Variants in CASS4 observed in about 807,000 individuals in gnomAD.
CASS4 encodes the protein Cas scaffold protein family member 4.
A neutral mutation model predicts 54.2 loss-of-function variants in CASS4; 22 were observed. That is an observed-to-expected ratio of 0.41 (90% CI 0.29 to 0.58). The LOEUF (loss-of-function observed/expected upper bound fraction) is 0.58. CASS4 is among the 20% of genes least tolerant of loss of function. CASS4 has a pLI of 0.36. For synonymous variants in CASS4, 409 were observed against 391.5 expected (o/e 1.04, Z -0.53); for missense variants, 854 against 986.7 (o/e 0.87, Z 1.80).
At chr20:56,415,953 A>G (rs1003339380) in intron 1 of CASS4, among the ~76,000 whole-genome samples, 1 of 152,242 alleles carries the variant, frequency 6.6e-6, no homozygotes, top group Non-Finnish European at 1.5e-5. Flanking sequence ...GTGATAGGAA[A>G]CACTGGCCTC....
intron 1 of CASS4, among the ~76,000 whole-genome samples, chr20:56,435,785 C>T (rs1425679408): frequency 2.0e-5 from 3 of 152,184 alleles, no homozygotes; most frequent in Non-Finnish European, 2.9e-5. Flanking sequence ...GAGTCTCCCT[C>T]TGTTGCCCAG....
At chr20:56,432,661 C>T (rs1315895211) in intron 1 of CASS4, among the ~76,000 whole-genome samples, 3 of 152,162 alleles carry the variant, frequency 2.0e-5, no homozygotes, top group Non-Finnish European at 4.4e-5. Context: ...CACCATCACA[C>T]CCAGCCTAAG....
intron 2 of CASS4, among the ~76,000 whole-genome samples, chr20:56,441,666 A>G (rs1238801194): frequency 6.6e-6 from 1 of 152,064 alleles, no homozygotes; most frequent in Non-Finnish European, 1.5e-5. Context: ...TCTTAGCAAG[A>G]GATGTGGTCT....
At chr20:56,450,313 C>A (rs899221762) in intron 3 of CASS4, among the ~76,000 whole-genome samples, 4 of 152,202 alleles carry the variant, frequency 2.6e-5, no homozygotes, top group Non-Finnish European at 5.9e-5. Flanking sequence ...CGTGAGCCAC[C>A]ACGCCCGGCT....
In CASS4 at chr20:56,450,792, G is replaced by C. The variant is rs1031193027; in HGVS notation, c.642+113G>C. ...CTGAAGCCTGTAATCCCAGCACTTT[G>C]AGAGGCCGAGGTGAGTGCATCACCT... On this transcript the variant is annotated intron_variant, in intron 4 of 5. Transcript: ENST00000679887. 6 of 948,480 alleles carry C rather than the reference G, an allele frequency of 6.3e-6. No individual in the cohort carries two copies. The African/African-American group carries it at 8.2e-5, about 13-fold the overall frequency. 58.8% of individuals were successfully genotyped at this position (948,480 alleles called of 1,614,324 possible). A position where few individuals can be genotyped will look rare whatever the true frequency, so the allele number is the denominator to read the frequency against.
In CASS4 at chr20:56,451,837, A is replaced by C; in HGVS notation, c.661A>C (p.Ile221Leu). The C allele has an allele frequency of 6.2e-7, 1 of 1,612,378 alleles. No individual in the cohort carries two copies. Among genetic ancestry groups the C allele is most frequent in the Non-Finnish European group, 8.5e-7 (1 of 1,178,586 alleles). The change falls in exon 5 of 6, where the codon ATA becomes CTA. Residue 221 changes from isoleucine to leucine, a missense_variant. Physicochemically the swap from Ile to Leu is conservative, Grantham distance 5 (BLOSUM62 2). Coordinates refer to ENST00000679887, the MANE Select transcript of CASS4 (RefSeq NM_020356.4). The stretch of plus-strand genomic sequence containing the variant: ...CCCACAGGGGCAGGGTGTTCCCCTG[A>C]TATCAGTGACTACCTTAAGAAGAGG... Reference protein sequence around the residue: ...SQASGQGVPLISVTTLRRGGY... With the variant: ...SQASGQGVPLLSVTTLRRGGY...
intron 5 of CASS4, among the ~76,000 whole-genome samples, chr20:56,454,126 A>G (rs1276372230): frequency 1.3e-5 from 2 of 152,194 alleles, no homozygotes; most frequent in Non-Finnish European, 2.9e-5. Flanking sequence ...GGTTGCAGTG[A>G]GCTGAGATTG....
At chr20:56,454,229 G>A (rs151039647) in intron 5 of CASS4, among the ~76,000 whole-genome samples, 74 of 152,232 alleles carry the variant, frequency 4.9e-4, no homozygotes, top group Middle Eastern at 3.4e-3. Flanking sequence ...ATACTTTTCT[G>A]GATGAGTTCA....
chr20:56,424,834 G>A (rs758144686), intron 1 of CASS4, among the ~76,000 whole-genome samples: 1 of 151,758 alleles, frequency 6.6e-6, no homozygotes, highest in Admixed American at 6.6e-5. Flanking sequence ...AGACAGGAAT[G>A]AGCTGGCAAA....
At chr20:56,429,290 C>T (rs1326686596) in intron 1 of CASS4, among the ~76,000 whole-genome samples, 1 of 152,164 alleles carries the variant, frequency 6.6e-6, no homozygotes, top group Non-Finnish European at 1.5e-5. Context: ...GTGCGTCCCT[C>T]CCTTCTCTGC....
intron 1 of CASS4, among the ~76,000 whole-genome samples, chr20:56,419,778 C>A (rs1469757846): frequency 6.6e-6 from 1 of 151,238 alleles, no homozygotes; most frequent in Non-Finnish European, 1.5e-5. Context: ...CACAGTGGCT[C>A]ATGCCTGTAA....
At position 56,432,714 on chromosome 20, in the gene CASS4, T is replaced by A. The variant is rs1259764594; in HGVS notation, c.37-4450T>A. On this transcript the variant is annotated intron_variant, in intron 1 of 5. Transcript: ENST00000679887. ...TACTCTTTATAAGACTCTAAAACTC[T>A]AGTCCCTTAAATACTTCATCACTGC... Among the ~76,000 whole-genome samples the A allele has an allele frequency of 2.6e-5, 4 of 152,162 alleles. No homozygotes were observed. In the East Asian group the frequency reaches 7.7e-4, roughly 29 times the overall value.
At chr20:56,449,683 T>C (rs893678107) in intron 3 of CASS4, among the ~76,000 whole-genome samples, 1 of 151,572 alleles carries the variant, frequency 6.6e-6, no homozygotes, top group Non-Finnish European at 1.5e-5. Context: ...TAAAATAAAA[T>C]AAAAAAGATT....
chr20:56,439,071 G>C (rs1440819359), intron 2 of CASS4, among the ~76,000 whole-genome samples: 3 of 152,202 alleles, frequency 2.0e-5, no homozygotes, highest in African/African-American at 7.2e-5. Flanking sequence ...GCCTGGCCTG[G>C]GGTAGGTGCT....
chr20:56,452,310 C>T lies in CASS4; in HGVS notation c.1134C>T (p.Gly378=), dbSNP rs1981062713. 11 of 1,613,872 alleles carry T rather than the reference C, an allele frequency of 6.8e-6. No individual in the cohort carries two copies. In the Middle Eastern group the frequency reaches 1.8e-3, roughly 266 times the overall value. ...KAKEVSENSA[G]HNSSWFSRRT... ...AGGAGGTGTCAGAGAATTCCGCGGG[C>T]CATAATTCCTCATGGTTCTCCAGAC... The change falls in exon 5 of 6, where the codon GGC becomes GGT. Residue 378 remains glycine, a synonymous_variant. Transcript: ENST00000679887.
rs6123591 is a variant in CASS4, at chr20:56,437,858, G to C, written c.459+272G>C. Among the ~76,000 whole-genome samples the C allele has an allele frequency of 0.047, 7,085 of 152,228 alleles. 608 individuals carry two copies. Among genetic ancestry groups the C allele is most frequent in the East Asian group, 0.4 (2,082 of 5,170 alleles). ...TGTGGGAAATGGAATGCTTAGCTGA[G>C]CTGTGTGGGAAGGCACTGAGGATGT... On this transcript the variant is annotated intron_variant, in intron 2 of 5. Coordinates refer to ENST00000679887, the MANE Select transcript of CASS4 (RefSeq NM_020356.4). This position sits in a 1 kb window ranked among gnomAD's most constrained non-coding sequence, Gnocchi z 4.7.
Position 56,453,128 on chromosome 20 carries a change from A to T in CASS4, c.1952A>T (p.Gln651Leu), listed in dbSNP as rs777190081. 18 of 1,608,628 alleles carry T rather than the reference A, an allele frequency of 1.1e-5. No individual in the cohort carries two copies. Among genetic ancestry groups the T allele is most frequent in the African/African-American group, 1.3e-5 (1 of 74,814 alleles). The change falls in exon 5 of 6, where the codon CAG becomes CTG. Residue 651 changes from glutamine to leucine, a missense_variant and splice_region_variant. Physicochemically the swap from Gln to Leu is moderately radical, Grantham distance 113 (BLOSUM62 -2). Transcript: ENST00000679887. ...LKKNRANICG[Q>L]NPGPLIPQPS... ...AAAAATAGGGCAAATATCTGTGGAC[A>T]GGTGAGTTCAGAGTTCCAAGTGATC...
At chr20:56,436,752 C>G (rs6014728) in intron 1 of CASS4, among the ~76,000 whole-genome samples, 3 of 151,808 alleles carry the variant, frequency 2.0e-5, no homozygotes, top group African/African-American at 7.3e-5. Flanking sequence ...CCCGGGGTGG[C>G]GGCACGCATG....
rs879258639 is a variant in CASS4, at chr20:56,413,170, T to TA, written c.36+690dup. Among the ~76,000 whole-genome samples, 601 of 124,088 alleles carry TA rather than the reference T, an allele frequency of 4.8e-3. 2 individuals carry two copies. The highest frequency in any genetic ancestry group is 0.017 in the Middle Eastern group (4 of 232). The allele number at this position is 124,088 out of a possible 152,430, so 81.4% of individuals were successfully genotyped here. ...TGGGCAACATAGCGAGACCCCATCT[T>TA]AAAAAAAAAAAAAAGAAAAGAAAAG... On this transcript the variant is annotated intron_variant, in intron 1 of 5. Transcript: ENST00000679887.
Sources: allele counts gnomAD v4.1 joint callset (sites outside exome capture counted in the v4.1 genomes callset), GRCh38; gene constraint gnomAD v4.1.1; non-coding constraint Gnocchi (gnomAD v3.1); transcripts MANE v1.5; gene names NCBI Gene and HGNC (gene_info 2026-07-23, HGNC 2026-07-21).